TAF5L: variants seen among roughly 807,000 people sequenced by gnomAD.
The protein encoded by TAF5L is TAF5-like RNA polymerase II p300/CBP-associated factor-associated factor 65 kDa subunit 5L.
A neutral mutation model predicts 51.3 loss-of-function variants in TAF5L; 7 were observed. The observed-to-expected ratio is 0.14, with a 90% CI of 0.08 to 0.26. The LOEUF (loss-of-function observed/expected upper bound fraction) is 0.26. Among genes scored for constraint, TAF5L ranks in the 10% least tolerant of loss-of-function variants. The pLI, the probability that TAF5L is intolerant of heterozygous loss-of-function variation, is 1.00. For synonymous variants in TAF5L, 291 were observed against 308.1 expected (o/e 0.94, Z 0.58); for missense variants, 575 against 758.9 (o/e 0.76, Z 2.85).
intron 3 of TAF5L, 107 bp downstream of exon 3, chr1:229,609,999 T>C: frequency 1.2e-6 from 1 of 861,610 alleles, no homozygotes; most frequent in Non-Finnish European, 1.8e-6. Context: ...AATTTTTCTT[T>C]TTACCGCTCC....
chr1:229,606,460 G>C lies in TAF5L; in HGVS notation c.248-3541C>G, dbSNP rs940148623. ...TGGCGGTAAATGAGAGAACAATGGAGTTTTTCATGAGTTCATGGAAATTAG... is the reference window on the plus strand; with the variant it reads ...TGGCGGTAAATGAGAGAACAATGGACTTTTTCATGAGTTCATGGAAATTAG... On this transcript the variant is annotated intron_variant, in intron 3 of 4. Coordinates refer to ENST00000258281, the Ensembl canonical transcript of TAF5L. 7 of 985,272 alleles carry C rather than the reference G, an allele frequency of 7.1e-6. No homozygotes were observed. The Admixed American group carries it at 4.3e-4, about 61-fold the overall frequency. The allele number at this position is 985,272 out of a possible 1,614,324, so 61.0% of individuals were successfully genotyped here.
chr1:229,595,175 G>GA (rs1036184027), intron 4 of TAF5L, 81 bp from the exon 5 acceptor site: 43 of 1,429,088 alleles, frequency 3.0e-5, no homozygotes, highest in Non-Finnish European at 3.5e-5. Flanking sequence ...AAGTCCAGGA[G>GA]AAAAAAAAGT....
chr1:229,604,509 T>A (rs974996969), intron 3 of TAF5L, among the ~76,000 whole-genome samples: 1 of 152,168 alleles, frequency 6.6e-6, no homozygotes, highest in African/African-American at 2.4e-5. Context: ...GCTGGGGTAA[T>A]TGATCCTGCC....
chr1:229,597,727 T>A (rs758867958), intron 4 of TAF5L, among the ~76,000 whole-genome samples: 1 of 152,162 alleles, frequency 6.6e-6, no homozygotes, highest in South Asian at 2.1e-4. Context: ...TAATAATAAA[T>A]CTTATTATAT....
In TAF5L at chr1:229,602,359, G is replaced by C; in HGVS notation, c.808C>G (p.Leu270Val). The C allele has an allele frequency of 6.2e-7, 1 of 1,614,206 alleles. No homozygotes were observed. The highest frequency in any genetic ancestry group is 2.2e-5 in the East Asian group (1 of 44,890). Residue 270 changes from leucine (L) to valine (V), a missense_variant, in exon 4 of 5, where the codon CTG becomes GTG. By Grantham distance (32) the Leu-to-Val change is conservative (BLOSUM62 1). Around this residue, in one of 3 missense-constraint regions of TAF5L, gnomAD observed 380 missense variants for 443.7 expected, o/e 0.86. Transcript: ENST00000258281. This position sits in a 1 kb window ranked among gnomAD's most constrained non-coding sequence, Gnocchi z 4.6. ...GGGGAGATTTCTGCAGTGTTCAACA[G>C]CTGCTCTGTGTTATAGAAGGCATAG...
intron 3 of TAF5L, among the ~76,000 whole-genome samples, chr1:229,608,158 C>T (rs1028654194): frequency 2.0e-5 from 3 of 152,122 alleles, no homozygotes; most frequent in African/African-American, 7.2e-5. Flanking sequence ...CCTAGTTTTA[C>T]CTGGCCCCCA....
chr1:229,606,424 C>A, intron 3 of TAF5L: 1 of 985,306 alleles, frequency 1.0e-6, no homozygotes. Context: ...CTACCTGGTG[C>A]CCAACTCTAC....
rs571102718 is a variant in TAF5L at position 229,617,109 on chromosome 1, G to A, written c.-3-2624C>T. Among the ~76,000 whole-genome samples, 7 of 152,198 alleles carry A rather than the reference G, an allele frequency of 4.6e-5. No homozygotes were observed. The South Asian group carries it at 1.5e-3, about 32-fold the overall frequency. On this transcript the variant is annotated intron_variant, in intron 1 of 4. Coordinates refer to ENST00000258281, the Ensembl canonical transcript of TAF5L. Reference sequence around the variant, plus strand: ...GCTGTTTTTTTAAATTGCTAATACAGGGATTCTGATACTCTGAGAGTGGGG... The same window carrying A: ...GCTGTTTTTTTAAATTGCTAATACAAGGATTCTGATACTCTGAGAGTGGGG...
chr1:229,619,778 G>C (rs565119868), intron 1 of TAF5L, among the ~76,000 whole-genome samples: 4 of 152,198 alleles, frequency 2.6e-5, no homozygotes, highest in African/African-American at 9.6e-5. Flanking sequence ...TGATGCTGCT[G>C]AACTCACCTC....
Position 229,599,284 on chromosome 1 carries a change from T to TC in TAF5L, c.972+2910_972+2911insG, listed in dbSNP as rs111297297. On this transcript the variant is annotated intron_variant, in intron 4 of 4. Transcript: ENST00000258281. ...TGGTTACTGTTATCCTGTTTTTTTTTTTAAACTGAGATATAATTACATACT... is the reference window on the plus strand; with the variant it reads ...TGGTTACTGTTATCCTGTTTTTTTTTCTTAAACTGAGATATAATTACATACT... 4.4e-4 allele frequency: 351 copies of TC among 797,338 alleles called. 2 individuals carry two copies. The African/African-American group carries it at 5.7e-3, about 13-fold the overall frequency. The allele number at this position is 797,338 out of a possible 1,614,324, so 49.4% of individuals were successfully genotyped here.
chr1:229,595,069 G>T (rs766868414), exon 5 of TAF5L: 3 of 1,604,634 alleles, frequency 1.9e-6, no homozygotes, highest in Non-Finnish European at 2.6e-6. Context: ...CTTCATCTCC[G>T]TGCCTGCATT....
Position 229,602,973 on chromosome 1 carries a change from GT to G in TAF5L, c.248-55del. ...AATCAGCATAATCTTACAGAATAACGTGATCCCTCCTGGGGATCACCACCAT... is the reference window on the plus strand; with the variant it reads ...AATCAGCATAATCTTACAGAATAACGGATCCCTCCTGGGGATCACCACCAT... On this transcript the variant is annotated intron_variant, in intron 3 of 4. Transcript: ENST00000258281. The surrounding 1 kb of genome is among the most constrained non-coding windows in gnomAD (Gnocchi z 4.6). 5 of 1,518,876 alleles carry G rather than the reference GT, an allele frequency of 3.3e-6. No homozygotes were observed. Among genetic ancestry groups the G allele is most frequent in the Non-Finnish European group, 4.4e-6 (5 of 1,144,962 alleles). 94.1% of individuals were successfully genotyped at this position (1,518,876 alleles called of 1,614,324 possible). A position where few individuals can be genotyped will look rare whatever the true frequency, so the allele number is the denominator to read the frequency against.
chr1:229,624,193 C>A (rs1232362631), intron 1 of TAF5L, among the ~76,000 whole-genome samples: 1 of 152,184 alleles, frequency 6.6e-6, no homozygotes, highest in Non-Finnish European at 1.5e-5. Flanking sequence ...TTAAGTGAGG[C>A]CTTTACCTAG....
In TAF5L at chr1:229,594,600, G is replaced by A. The variant is rs145011648; in HGVS notation, c.1467C>T (p.Asp489=). 105 of 1,614,176 alleles carry A rather than the reference G, an allele frequency of 6.5e-5. No individual in the cohort carries two copies. The African/African-American group carries it at 1.3e-3, about 20-fold the overall frequency. Residue 489 remains aspartate, a synonymous_variant, in exon 5 of 5, where the codon GAC becomes GAT. Coordinates refer to ENST00000258281, the Ensembl canonical transcript of TAF5L. This position sits in a 1 kb window ranked among gnomAD's most constrained non-coding sequence, Gnocchi z 7.9. ...CCAAGTCCCACAGCTTCAACCGCTG[G>A]TCCTCGCCAGCAGACGCCAAGTACT...
intron 1 of TAF5L, among the ~76,000 whole-genome samples, chr1:229,623,996 TA>T (rs1665323154): frequency 6.6e-6 from 1 of 152,236 alleles, no homozygotes; most frequent in Non-Finnish European, 1.5e-5. Context: ...ACCAGTCACA[TA>T]CAAGACAGGC....
exon 5 of TAF5L, chr1:229,593,698 G>C (rs1664003361): frequency 6.6e-6 from 1 of 151,974 alleles, no homozygotes; most frequent in Admixed American, 6.6e-5. Flanking sequence ...AAGATTAAAA[G>C]CAGAGAAGGT....
At chr1:229,606,645 T>A in intron 3 of TAF5L, 1 of 985,432 alleles carries the variant, frequency 1.0e-6, no homozygotes, top group Admixed American at 6.1e-5. Flanking sequence ...TGGTTCCTCT[T>A]CCTCCTGTCA....
At position 229,610,218 on chromosome 1, in the gene TAF5L, G is replaced by A; in HGVS notation, c.143-8C>T. 6.2e-7 allele frequency: 1 copy of A among 1,613,528 alleles called. No homozygotes were observed. Among genetic ancestry groups the A allele is most frequent in the Non-Finnish European group, 8.5e-7 (1 of 1,179,652 alleles). On this transcript the variant is annotated splice_region_variant and splice_polypyrimidine_tract_variant and intron_variant, in intron 2 of 4. Coordinates refer to ENST00000258281, the Ensembl canonical transcript of TAF5L. ...AACCAGATTCTGATTGCACTAAAGA[G>A]GAGAAGATACACAAGTCAGGGCGGG...
intron 1 of TAF5L, among the ~76,000 whole-genome samples, chr1:229,617,889 C>T (rs1271342350): frequency 6.6e-6 from 1 of 152,144 alleles, no homozygotes; most frequent in African/African-American, 2.4e-5. Context: ...GGGCGCTTCC[C>T]TGAGGGTGGG....
Sources: gnomAD v4.1 joint callset for allele counts (sites outside exome capture counted in the v4.1 genomes callset) on GRCh38, gnomAD v4.1.1 for gene constraint, gnomAD v4.1.1 regional missense constraint, Gnocchi (gnomAD v3.1) non-coding constraint, MANE v1.5 for transcripts, NCBI Gene and HGNC (gene_info 2026-07-23, HGNC 2026-07-21) for gene names.